Variants in GPC5 observed in about 807,000 individuals in gnomAD.
The protein encoded by GPC5 is glypican-5.
In GPC5, 47 loss-of-function variants were observed where a neutral mutation model predicts 53.9. The ratio of observed to expected loss-of-function variants is 0.87; its 90% confidence interval spans 0.69 to 1.11. The LOEUF (loss-of-function observed/expected upper bound fraction) is 1.11. Among genes scored for constraint, GPC5 ranks in the 50% most tolerant of loss-of-function variants. The pLI, the probability that GPC5 is intolerant of heterozygous loss-of-function variation, is 0.00. For synonymous variants in GPC5, 286 were observed against 263.3 expected (o/e 1.09, Z -0.84); for missense variants, 748 against 713.1 (o/e 1.05, Z -0.56).
At chr13:92,744,233 A>C (rs1594472944) in intron 7 of GPC5, among the ~76,000 whole-genome samples, 1 of 83,964 alleles carries the variant, frequency 1.2e-5, no homozygotes, top group Non-Finnish European at 2.6e-5. Flanking sequence ...TCTGGTTTGG[A>C]AAAAAAAAAT....
intron 4 of GPC5, among the ~76,000 whole-genome samples, chr13:91,729,615 T>C (rs1386938026): frequency 6.6e-6 from 1 of 152,184 alleles, no homozygotes; most frequent in Non-Finnish European, 1.5e-5. Flanking sequence ...ATGCATGGGA[T>C]AAAGATCTGG....
intron 2 of GPC5, among the ~76,000 whole-genome samples, 172 bp from the exon 3 acceptor site, chr13:91,693,015 G>T (rs2035789618): frequency 1.3e-5 from 2 of 152,180 alleles, no homozygotes. Flanking sequence ...GTAGGCAATG[G>T]TCATTCTTGT....
At chr13:92,705,992 G>GTGGAAGGATCCCTTGAGCCC (rs1887936798) in intron 7 of GPC5, 1 of 152,050 alleles carries the variant, frequency 6.6e-6, no homozygotes, top group Non-Finnish European at 1.5e-5. Flanking sequence ...GGAGGCTGAG[G>GTGGAAGGATCCCTTGAGCCC]TGGAAGGATC....
chr13:91,405,382 A>C (rs1157737005), intron 1 of GPC5, among the ~76,000 whole-genome samples: 1 of 152,158 alleles, frequency 6.6e-6, no homozygotes, highest in East Asian at 1.9e-4. Context: ...CAACTGTCCC[A>C]TGGGAGACAA....
intron 7 of GPC5, among the ~76,000 whole-genome samples, chr13:92,384,369 T>C (rs752276765): frequency 2.6e-5 from 4 of 152,166 alleles, no homozygotes; most frequent in East Asian, 1.9e-4. Flanking sequence ...TTTGTTCTTA[T>C]AAGTTTTTGT....
intron 7 of GPC5, among the ~76,000 whole-genome samples, chr13:92,358,459 G>A (rs546736820): frequency 2.0e-5 from 3 of 151,674 alleles, no homozygotes; most frequent in African/African-American, 2.4e-5. Flanking sequence ...CACAGCTCTA[G>A]TAGGCCGTGC....
intron 1 of GPC5, among the ~76,000 whole-genome samples, chr13:91,433,068 T>A (rs1004686313): frequency 2.6e-5 from 4 of 152,144 alleles, no homozygotes; most frequent in African/African-American, 7.2e-5. Context: ...CTCATAGTCT[T>A]GGAAGAGAAG....
At chr13:92,677,060 A>C (rs1292170875) in intron 7 of GPC5, among the ~76,000 whole-genome samples, 3 of 152,154 alleles carry the variant, frequency 2.0e-5, no homozygotes, top group Non-Finnish European at 4.4e-5. Context: ...TTATAATTCT[A>C]AATTTTTATT....
At chr13:92,585,941 T>C (rs1370825587) in intron 7 of GPC5, among the ~76,000 whole-genome samples, 1 of 152,188 alleles carries the variant, frequency 6.6e-6, no homozygotes, top group Non-Finnish European at 1.5e-5. Flanking sequence ...CAACTGTAAG[T>C]CCAGTTAAAC....
At chr13:91,981,725 G>A (rs2040361591) in intron 6 of GPC5, among the ~76,000 whole-genome samples, 1 of 152,150 alleles carries the variant, frequency 6.6e-6, no homozygotes, top group East Asian at 1.9e-4. Flanking sequence ...TTAAAATAAG[G>A]TGTTATTGGT....
intron 7 of GPC5, among the ~76,000 whole-genome samples, chr13:92,459,918 G>A (rs1288887654): frequency 6.6e-6 from 1 of 151,962 alleles, no homozygotes; most frequent in Non-Finnish European, 1.5e-5. Flanking sequence ...TTTTCTGCTA[G>A]ATTGTGGTTT....
rs549732521 is a variant in GPC5, at chr13:92,490,882, T to C, written c.1561+345893T>C. Among the ~76,000 whole-genome samples the C allele has an allele frequency of 2.2e-4, 34 of 152,138 alleles. No homozygotes were observed. In the South Asian group the frequency reaches 6.8e-3, roughly 31 times the overall value. On this transcript the variant is annotated intron_variant, in intron 7 of 7. Coordinates refer to ENST00000377067, the MANE Select transcript of GPC5 (RefSeq NM_004466.6). Reference sequence around the variant, plus strand: ...AGCTAATTATTGGAGGCAAGAAAACTACAGTGGAAATCTTTGTACTTATCA... The same window carrying C: ...AGCTAATTATTGGAGGCAAGAAAACCACAGTGGAAATCTTTGTACTTATCA...
intron 7 of GPC5, among the ~76,000 whole-genome samples, chr13:92,699,161 T>C (rs1273352154): frequency 6.6e-6 from 1 of 152,110 alleles, no homozygotes; most frequent in Non-Finnish European, 1.5e-5. Context: ...CTTGGGAGGG[T>C]GTATATGTCC....
chr13:92,084,150 A>G (rs1442274386), intron 6 of GPC5, among the ~76,000 whole-genome samples: 2 of 152,160 alleles, frequency 1.3e-5, no homozygotes, highest in Non-Finnish European at 2.9e-5. Context: ...GGAGAGCATC[A>G]GGATAAATAG....
chr13:91,649,128 C>A lies in GPC5; in HGVS notation c.326-44059C>A, dbSNP rs116986167. 3.3e-5 allele frequency among the ~76,000 whole-genome samples: 5 copies of A among 152,252 alleles called. No homozygotes were observed. In the East Asian group the frequency reaches 7.7e-4, roughly 24 times the overall value. On this transcript the variant is annotated intron_variant, in intron 2 of 7. Transcript: ENST00000377067. ...CTTCCTGCCACCGTGTGAAGAAGGA[C>A]CTGTTTGCTTTCCCTTCTTCCATGG...
intron 7 of GPC5, among the ~76,000 whole-genome samples, chr13:92,663,854 C>T (rs1886460705): frequency 2.7e-5 from 2 of 75,310 alleles, no homozygotes; most frequent in African/African-American, 5.1e-5. Flanking sequence ...TACACACACA[C>T]ACTATATATA....
At chr13:92,322,313 C>A (rs1301281920) in intron 7 of GPC5, among the ~76,000 whole-genome samples, 2 of 151,438 alleles carry the variant, frequency 1.3e-5, no homozygotes, top group Admixed American at 6.6e-5. Context: ...AACACTAGAT[C>A]TGGCTAAATT....
chr13:91,744,446 C>A (rs2037003890), intron 4 of GPC5, among the ~76,000 whole-genome samples: 1 of 152,054 alleles, frequency 6.6e-6, no homozygotes, highest in East Asian at 1.9e-4. Flanking sequence ...TAATGCCTAT[C>A]TTTATAACAG....
At chr13:92,286,576 T>A (rs551414021) in intron 7 of GPC5, among the ~76,000 whole-genome samples, 5 of 152,124 alleles carry the variant, frequency 3.3e-5, no homozygotes, top group Non-Finnish European at 7.4e-5. Context: ...TGAGTTCATA[T>A]CCTTTGTAGG....
Sources: gnomAD v4.1 joint callset for allele counts (sites outside exome capture counted in the v4.1 genomes callset) on GRCh38, gnomAD v4.1.1 for gene constraint, MANE v1.5 for transcripts, NCBI Gene and HGNC (gene_info 2026-07-23, HGNC 2026-07-21) for gene names.